EPGN: variants seen among roughly 807,000 people sequenced by gnomAD.
EPGN encodes the protein epigen.
In EPGN, 21 loss-of-function variants were observed where a neutral mutation model predicts 20.7. That is an observed-to-expected ratio of 1.01 (90% CI 0.72 to 1.46). EPGN has a LOEUF of 1.46. Ranked by LOEUF, EPGN falls within the 40% of genes most tolerant of loss-of-function variation. The pLI, the probability that EPGN is intolerant of heterozygous loss-of-function variation, is 0.00. For synonymous variants in EPGN, 69 were observed against 63.8 expected (o/e 1.08, Z -0.39); for missense variants, 199 against 180.7 (o/e 1.10, Z -0.58).
intron 2 of EPGN, 110 bp downstream of exon 2, chr4:74,309,292 A>C: frequency 9.7e-6 from 7 of 719,532 alleles, no homozygotes; most frequent in Non-Finnish European, 1.5e-5. Context: ...TTTTATTATT[A>C]GATAATCAGC....
intron 2 of EPGN, among the ~76,000 whole-genome samples, chr4:74,310,495 A>C: frequency 6.6e-6 from 1 of 150,942 alleles, no homozygotes; most frequent in East Asian, 1.9e-4. Flanking sequence ...AGAAGATAAT[A>C]TACTGCAGAA....
In EPGN at chr4:74,309,141, T is replaced by C. The variant is rs1179779630; in HGVS notation, c.92T>C (p.Ile31Thr). 6.2e-7 allele frequency: 1 copy of C among 1,613,534 alleles called. No individual in the cohort carries two copies. The highest frequency in any genetic ancestry group is 8.5e-7 in the Non-Finnish European group (1 of 1,179,684). Residue 31 changes from isoleucine (I) to threonine (T), a missense_variant, in exon 2 of 5, where the codon ATC becomes ACC. Coordinates refer to ENST00000413830, the MANE Select transcript of EPGN (RefSeq NM_001270989.2). Reference protein sequence around the residue: ...EEAAVTVTPPITAQQGNWTVN... With the variant: ...EEAAVTVTPPTTAQQGNWTVN... Reference sequence around the variant, plus strand: ...GCAGCCGTGACTGTAACACCTCCAATCACAGCCCAGCAAGGTAACTGGACA... The same window carrying C: ...GCAGCCGTGACTGTAACACCTCCAACCACAGCCCAGCAAGGTAACTGGACA...
chr4:74,312,250 T>TA lies in EPGN; in HGVS notation c.200dup (p.Tyr67Ter). The TA allele has an allele frequency of 6.2e-7, 1 of 1,613,478 alleles. No homozygotes were observed. Among genetic ancestry groups the TA allele is most frequent in the Non-Finnish European group, 8.5e-7 (1 of 1,179,612 alleles). ...SHLCLEDHNSYCINGACAFHH... is the reference protein window; with the variant it reads ...SHLCLEDHNS ...CCTTTGCCTGGAAGATCATAACAGTTACTGCATCAACGGTGCTTGTGCATT... is the reference window on the plus strand; with the variant it reads ...CCTTTGCCTGGAAGATCATAACAGTTAACTGCATCAACGGTGCTTGTGCATT... Residue 67 changes from tyrosine to a stop codon, truncating the protein, a stop_gained and frameshift_variant, in exon 3 of 5, where the codon TAC becomes TAAC. Transcript: ENST00000413830. LOFTEE classifies it high-confidence loss of function.
chr4:74,310,789 T>A (rs1323068069), intron 2 of EPGN, among the ~76,000 whole-genome samples: 1 of 152,220 alleles, frequency 6.6e-6, no homozygotes, highest in Non-Finnish European at 1.5e-5. Context: ...CACACCCATG[T>A]ACTTTAAATC....
chr4:74,309,140 A>C lies in EPGN; in HGVS notation c.91A>C (p.Ile31Leu), dbSNP rs769437772. The change falls in exon 2 of 5, where the codon ATC becomes CTC. Residue 31 changes from isoleucine to leucine, a missense_variant. Physicochemically the swap from Ile to Leu is conservative, Grantham distance 5. Coordinates refer to ENST00000413830, the MANE Select transcript of EPGN (RefSeq NM_001270989.2). ...EEAAVTVTPP[I>L]TAQQGNWTVN... ...GGCAGCCGTGACTGTAACACCTCCAATCACAGCCCAGCAAGGTAACTGGAC... is the reference window on the plus strand; with the variant it reads ...GGCAGCCGTGACTGTAACACCTCCACTCACAGCCCAGCAAGGTAACTGGAC... The C allele has an allele frequency of 6.2e-7, 1 of 1,613,584 alleles. No individual in the cohort carries two copies. The highest frequency in any genetic ancestry group is 8.5e-7 in the Non-Finnish European group (1 of 1,179,712).
In EPGN at chr4:74,314,666, A is replaced by T; in HGVS notation, c.*29A>T. ...CTTTGTGAAGAATTTTCATCAAGGC[A>T]TCTGTAGAGATCAGTGAGCCCAAAA... On this transcript the variant is annotated 3_prime_UTR_variant, in exon 5 of 5. Transcript: ENST00000413830. 3 of 1,530,464 alleles carry T rather than the reference A, an allele frequency of 2.0e-6. No individual in the cohort carries two copies. The highest frequency in any genetic ancestry group is 2.4e-5 in the East Asian group (1 of 40,896). 94.8% of individuals were successfully genotyped at this position (1,530,464 alleles called of 1,614,324 possible). A position where few individuals can be genotyped will look rare whatever the true frequency, so the allele number is the denominator to read the frequency against.
Position 74,312,201 on chromosome 4 carries a change from A to T in EPGN, c.150A>T (p.Gly50=). The T allele has an allele frequency of 1.2e-6, 2 of 1,610,404 alleles. No homozygotes were observed. The highest frequency in any genetic ancestry group is 1.7e-6 in the Non-Finnish European group (2 of 1,178,436). The change falls in exon 3 of 5, where the codon GGA becomes GGT. Residue 50 remains glycine, a synonymous_variant. Transcript: ENST00000413830. Reference sequence around the variant, plus strand: ...TTTTCCTAGCTGACAACATAGAAGGACCCATAGCCTTGAAGTTCTCACACC... The same window carrying T: ...TTTTCCTAGCTGACAACATAGAAGGTCCCATAGCCTTGAAGTTCTCACACC... ...VNKTEADNIE[G]PIALKFSHLC... is the part of the protein sequence containing the mutation.
At chr4:74,310,508 T>C (rs1644752088) in intron 2 of EPGN, among the ~76,000 whole-genome samples, 2 of 139,626 alleles carry the variant, frequency 1.4e-5, no homozygotes, top group African/African-American at 5.3e-5. Context: ...CTGCAGAAAA[T>C]TAAAGAAGCA....
Position 74,312,167 on chromosome 4 carries a change from T to A in EPGN, c.134-18T>A. On this transcript the variant is annotated intron_variant, in intron 2 of 4. Coordinates refer to ENST00000413830, the MANE Select transcript of EPGN (RefSeq NM_001270989.2). Reference sequence around the variant, plus strand: ...TAAGACACATTTCATTTGCTAACATTGTATCTCCTTTTCCTAGCTGACAAC... The same window carrying A: ...TAAGACACATTTCATTTGCTAACATAGTATCTCCTTTTCCTAGCTGACAAC... 3.2e-6 allele frequency: 5 copies of A among 1,580,926 alleles called. No homozygotes were observed. Among genetic ancestry groups the A allele is most frequent in the Non-Finnish European group, 4.3e-6 (5 of 1,169,006 alleles).
intron 4 of EPGN, chr4:74,314,320 A>T: frequency 1.8e-6 from 1 of 564,450 alleles, no homozygotes; most frequent in Middle Eastern, 3.1e-4. Context: ...TCATGGATTC[A>T]TGTGGGGTAA....
intron 2 of EPGN, 96 bp downstream of exon 2, chr4:74,309,278 T>C: frequency 1.3e-6 from 1 of 792,742 alleles, no homozygotes; most frequent in South Asian, 2.3e-5. Flanking sequence ...ATTTTTAATA[T>C]ATATTTTATT....
In EPGN at chr4:74,314,834, A is replaced by G. The variant is rs931712092; in HGVS notation, c.*197A>G. On this transcript the variant is annotated 3_prime_UTR_variant, in exon 5 of 5. Transcript: ENST00000413830. ...CATCCTTAAGGAGTGATGGAAGCCA[A>G]GTGAACAAGCCTCAGTGACACAAGT... 1.4e-5 allele frequency: 8 copies of G among 583,030 alleles called. No homozygotes were observed. The highest frequency in any genetic ancestry group is 2.4e-5 in the Non-Finnish European group (8 of 331,796). 36.1% of individuals were successfully genotyped at this position (583,030 alleles called of 1,614,324 possible).
At chr4:74,312,613 C>A (rs1051267156) in intron 3 of EPGN, among the ~76,000 whole-genome samples, 38 of 152,086 alleles carry the variant, frequency 2.5e-4, no homozygotes, top group African/African-American at 7.7e-4. Flanking sequence ...TAACAACATG[C>A]AAAGGTGATT....
intron 3 of EPGN, 140 bp downstream of exon 3, chr4:74,312,445 A>G (rs966617793): frequency 1.1e-5 from 9 of 853,918 alleles, no homozygotes; most frequent in Non-Finnish European, 1.5e-5. Context: ...AGGCCTCTAC[A>G]TATTTGAATA....
chr4:74,312,225 C>G lies in EPGN; in HGVS notation c.174C>G (p.His58Gln). Reference protein sequence around the residue: ...IEGPIALKFSHLCLEDHNSYC... With the variant: ...IEGPIALKFSQLCLEDHNSYC... ...GACCCATAGCCTTGAAGTTCTCACA[C>G]CTTTGCCTGGAAGATCATAACAGTT... Residue 58 changes from histidine to glutamine, a missense_variant, in exon 3 of 5, where the codon CAC becomes CAG. By Grantham distance (24) the His-to-Gln change is conservative. Transcript: ENST00000413830. 1.2e-6 allele frequency: 2 copies of G among 1,613,162 alleles called. No individual in the cohort carries two copies. Among genetic ancestry groups the G allele is most frequent in the Non-Finnish European group, 1.7e-6 (2 of 1,179,496 alleles).
rs895510149 is a variant in EPGN, at chr4:74,315,677, C to T, written c.*1040C>T. On this transcript the variant is annotated 3_prime_UTR_variant, in exon 5 of 5. Coordinates refer to ENST00000413830, the MANE Select transcript of EPGN (RefSeq NM_001270989.2). ...AATAATAATCAGTATCCAGGCCAGG[C>T]GTGGTGGTTCACGCCTGTAATCCTA... Among the ~76,000 whole-genome samples, 4 of 152,040 alleles carry T rather than the reference C, an allele frequency of 2.6e-5. No individual in the cohort carries two copies. The highest frequency in any genetic ancestry group is 4.8e-5 in the African/African-American group (2 of 41,408).
chr4:74,312,476 A>G (rs1751025729), intron 3 of EPGN, among the ~76,000 whole-genome samples, 171 bp downstream of exon 3: 1 of 152,186 alleles, frequency 6.6e-6, no homozygotes, highest in Non-Finnish European at 1.5e-5. Flanking sequence ...CTTTTGTCCA[A>G]ACTATTTAAT....
At chr4:74,312,434 C>T (rs1751023211) in intron 3 of EPGN, 129 bp downstream of exon 3, 2 of 980,888 alleles carry the variant, frequency 2.0e-6, no homozygotes, top group South Asian at 4.4e-5. Context: ...CATGACTTGA[C>T]AGGCCTCTAC....
rs776797097 is a variant in EPGN, at chr4:74,316,199, C to G, written c.*1562C>G. Among the ~76,000 whole-genome samples, 1 of 151,886 alleles carries G rather than the reference C, an allele frequency of 6.6e-6. No individual in the cohort carries two copies. Among genetic ancestry groups the G allele is most frequent in the Non-Finnish European group, 1.5e-5 (1 of 67,992 alleles). On this transcript the variant is annotated 3_prime_UTR_variant, in exon 5 of 5. Transcript: ENST00000413830. ...ACCTCTAACCCTGAAACACACTACT[C>G]GATATTATCTTAGGTATGTTTTAGG...
Sources: allele counts gnomAD v4.1 joint callset (sites outside exome capture counted in the v4.1 genomes callset), GRCh38; gene constraint gnomAD v4.1.1; transcripts MANE v1.5; gene names NCBI Gene and HGNC (gene_info 2026-07-23, HGNC 2026-07-21).